Variants in HOMER2 observed in about 807,000 individuals in gnomAD.
HOMER2 encodes homer protein homolog 2.
A neutral mutation model predicts 47.0 loss-of-function variants in HOMER2; 27 were observed. That is an observed-to-expected ratio of 0.57 (90% CI 0.42 to 0.79). The LOEUF is 0.79. Among genes scored for constraint, HOMER2 ranks in the 30% least tolerant of loss-of-function variants. HOMER2 has a pLI of 0.00. For synonymous variants in HOMER2, 161 were observed against 163.8 expected, an observed-to-expected ratio of 0.98 and a Z score of 0.13; for missense variants, 443 against 435.0, an observed-to-expected ratio of 1.02 and a Z score of -0.16.
intron 1 of HOMER2, among the ~76,000 whole-genome samples, chr15:82,920,516 TC>T (rs1460534111): frequency 6.6e-6 from 1 of 152,196 alleles, no homozygotes; most frequent in Non-Finnish European, 1.5e-5. Flanking sequence ...GCCCCACCTT[TC>T]CCAGCTTCTA....
intron 1 of HOMER2, among the ~76,000 whole-genome samples, chr15:82,893,762 C>T (rs1205333811): frequency 6.6e-6 from 1 of 151,946 alleles, no homozygotes; most frequent in African/African-American, 2.4e-5. Context: ...GCTAGGACTA[C>T]AGGCACGTGA....
chr15:82,872,707 C>T (rs2052216429), intron 3 of HOMER2, among the ~76,000 whole-genome samples: 1 of 152,172 alleles, frequency 6.6e-6, no homozygotes, highest in Non-Finnish European at 1.5e-5. Context: ...CTCCAGCTAT[C>T]CTGTTGTCGG....
intron 1 of HOMER2, among the ~76,000 whole-genome samples, chr15:82,909,338 C>A (rs897262337): frequency 6.6e-6 from 1 of 152,194 alleles, no homozygotes; most frequent in Non-Finnish European, 1.5e-5. Flanking sequence ...AAGGGGTCTT[C>A]TTCCTAACGC....
At chr15:82,914,462 T>C (rs1229103232) in intron 1 of HOMER2, among the ~76,000 whole-genome samples, 1 of 151,036 alleles carries the variant, frequency 6.6e-6, no homozygotes, top group Non-Finnish European at 1.5e-5. Context: ...AATAAACCAG[T>C]CACAAAATAA....
At chr15:82,897,085 T>TTTTTTTTG (rs2052953970) in intron 1 of HOMER2, among the ~76,000 whole-genome samples, 2 of 149,454 alleles carry the variant, frequency 1.3e-5, no homozygotes, top group African/African-American at 2.5e-5. Context: ...TTTTTTTTTT[T>TTTTTTTTG]AGATGAAGTC....
At chr15:82,901,243 G>A (rs2053105975) in intron 1 of HOMER2, among the ~76,000 whole-genome samples, 1 of 152,188 alleles carries the variant, frequency 6.6e-6, no homozygotes, top group Non-Finnish European at 1.5e-5. Flanking sequence ...GGACAGCCAG[G>A]AGGGAGACAG....
chr15:82,980,742 T>A (rs2030363573), intron 1 of HOMER2, among the ~76,000 whole-genome samples: 1 of 152,212 alleles, frequency 6.6e-6, no homozygotes, highest in Non-Finnish European at 1.5e-5. Context: ...CATCAAATAC[T>A]GCACAGATAT....
At chr15:82,935,487 C>T (rs1187572013) in intron 1 of HOMER2, among the ~76,000 whole-genome samples, 2 of 152,076 alleles carry the variant, frequency 1.3e-5, no homozygotes, top group African/African-American at 4.8e-5. Flanking sequence ...CCTGGGTGAC[C>T]TCACTAGCCT....
intron 2 of HOMER2, among the ~76,000 whole-genome samples, chr15:82,878,545 T>C (rs1191507190): frequency 1.3e-5 from 2 of 152,218 alleles, no homozygotes; most frequent in African/African-American, 4.8e-5. Flanking sequence ...TTTTAGAAAA[T>C]TCTCATTCTC....
rs1053432964 is a variant in HOMER2, at chr15:82,849,453, C to G, written c.*262G>C. ...TATGAAAGATATAAACATCCCTGCC[C>G]TGACTGCATAAATGTTGAAGGTAGA... On this transcript the variant is annotated 3_prime_UTR_variant, in exon 9 of 9. Transcript: ENST00000450735. 1 of 507,970 alleles carries G rather than the reference C, an allele frequency of 2.0e-6. No homozygotes were observed. The highest frequency in any genetic ancestry group is 5.1e-4 in the Middle Eastern group (1 of 1,952). 31.5% of individuals were successfully genotyped at this position (507,970 alleles called of 1,614,324 possible). A position where few individuals can be genotyped will look rare whatever the true frequency, so the allele number is the denominator to read the frequency against.
intron 2 of HOMER2, among the ~76,000 whole-genome samples, chr15:82,881,058 G>C (rs888411854): frequency 2.0e-5 from 3 of 152,214 alleles, no homozygotes; most frequent in African/African-American, 7.2e-5. Flanking sequence ...GCCCAGAAGG[G>C]AGAAGGGGCT....
At chr15:82,898,352 G>A (rs1423300690) in intron 1 of HOMER2, 2 of 152,006 alleles carry the variant, frequency 1.3e-5, no homozygotes, top group Non-Finnish European at 2.9e-5. Flanking sequence ...TCCCAGCAGG[G>A]AAAAGCTGAA....
chr15:82,947,659 T>C (rs2049817035), intron 1 of HOMER2, among the ~76,000 whole-genome samples: 1 of 152,212 alleles, frequency 6.6e-6, no homozygotes, highest in African/African-American at 2.4e-5. Flanking sequence ...GAAAGCTGCA[T>C]CCAAATGTGA....
intron 1 of HOMER2, among the ~76,000 whole-genome samples, chr15:82,915,276 AATATT>A (rs1256689661): frequency 2.0e-5 from 3 of 152,206 alleles, no homozygotes; most frequent in Non-Finnish European, 4.4e-5. Flanking sequence ...ATGTTATCAT[AATATT>A]ATGTTATATA....
intron 1 of HOMER2, among the ~76,000 whole-genome samples, chr15:82,919,902 T>A (rs1012391795): frequency 2.6e-5 from 4 of 152,214 alleles, no homozygotes; most frequent in African/African-American, 9.7e-5. Context: ...CATGACATGC[T>A]TGTGATAATT....
At chr15:82,868,836 C>A (rs796739491) in intron 3 of HOMER2, among the ~76,000 whole-genome samples, 4 of 140,368 alleles carry the variant, frequency 2.8e-5, no homozygotes, top group African/African-American at 1.1e-4. Flanking sequence ...GAGGCATGAG[C>A]CACTGCGCTC....
At chr15:82,907,658 T>A (rs1036059544) in intron 1 of HOMER2, among the ~76,000 whole-genome samples, 1 of 152,086 alleles carries the variant, frequency 6.6e-6, no homozygotes, top group Non-Finnish European at 1.5e-5. Context: ...AGACTATTGA[T>A]CCAAGAAGAG....
At chr15:82,874,327 C>T (rs2052274203) in intron 3 of HOMER2, among the ~76,000 whole-genome samples, 1 of 152,210 alleles carries the variant, frequency 6.6e-6, no homozygotes, top group South Asian at 2.1e-4. Context: ...CAACATTCTT[C>T]CAATAAATTT....
exon 2 of HOMER2, chr15:82,841,752 T>C (rs1202625707): frequency 6.6e-6 from 1 of 152,194 alleles, no homozygotes; most frequent in African/African-American, 2.4e-5. Flanking sequence ...AGTAACTGGC[T>C]AGTTACAAAA....
Sources: allele counts gnomAD v4.1 joint callset (sites outside exome capture counted in the v4.1 genomes callset), GRCh38; gene constraint gnomAD v4.1.1; transcripts MANE v1.5; gene names NCBI Gene and HGNC (gene_info 2026-07-23, HGNC 2026-07-21).